FOXO1: variants seen among roughly 807,000 people sequenced by gnomAD.
The protein encoded by FOXO1 is forkhead box protein O1.
A neutral mutation model predicts 44.1 loss-of-function variants in FOXO1; 6 were observed. The observed-to-expected ratio is 0.14, with a 90% confidence interval of 0.07 to 0.27. The LOEUF is 0.27. Ranked by LOEUF, FOXO1 falls within the 10% of genes least tolerant of loss-of-function variation. FOXO1 has a pLI of 1.00. For synonymous variants in FOXO1, 380 were observed against 362.7 expected, an observed-to-expected ratio of 1.05 and a Z score of -0.54; for missense variants, 737 against 888.8, an observed-to-expected ratio of 0.83 and a Z score of 2.17.
chr13:40,590,753 C>CTT (rs201103223), intron 1 of FOXO1, among the ~76,000 whole-genome samples: 1 of 151,460 alleles, frequency 6.6e-6, no homozygotes, highest in Non-Finnish European at 1.5e-5. Context: ...TTCTGTGTGG[C>CTT]TTTTTTTTTC....
chr13:40,629,209 C>T (rs1256396001), intron 1 of FOXO1, among the ~76,000 whole-genome samples: 2 of 151,440 alleles, frequency 1.3e-5, no homozygotes, highest in Non-Finnish European at 2.9e-5. Flanking sequence ...GTGGTGCAAT[C>T]TCGGCCCACT....
At chr13:40,631,177 G>A (rs1230445093) in intron 1 of FOXO1, among the ~76,000 whole-genome samples, 1 of 152,164 alleles carries the variant, frequency 6.6e-6, no homozygotes. Context: ...TTGTGGAGGA[G>A]GGATCCCTGC....
intron 1 of FOXO1, among the ~76,000 whole-genome samples, chr13:40,657,613 C>T (rs1877899292): frequency 6.6e-6 from 1 of 152,192 alleles, no homozygotes; most frequent in Non-Finnish European, 1.5e-5. Context: ...GGATTACAGG[C>T]ATGACCCACT....
intron 1 of FOXO1, among the ~76,000 whole-genome samples, chr13:40,624,636 G>A (rs1467643178): frequency 1.3e-5 from 2 of 152,222 alleles, no homozygotes; most frequent in African/African-American, 2.4e-5. Flanking sequence ...GGTGACAGAT[G>A]ACACTGCATA....
chr13:40,641,258 G>C (rs1429833194), intron 1 of FOXO1, among the ~76,000 whole-genome samples: 1 of 152,078 alleles, frequency 6.6e-6, no homozygotes, highest in East Asian at 1.9e-4. Flanking sequence ...GGAAACCACA[G>C]GCAACTCCTC....
chr13:40,592,307 C>T (rs914652624), intron 1 of FOXO1, among the ~76,000 whole-genome samples: 2 of 152,196 alleles, frequency 1.3e-5, no homozygotes, highest in Non-Finnish European at 2.9e-5. Context: ...AAAAAAACAA[C>T]TTCATCAAAA....
chr13:40,625,951 G>A (rs1273855191), intron 1 of FOXO1, among the ~76,000 whole-genome samples: 2 of 152,118 alleles, frequency 1.3e-5, no homozygotes, highest in African/African-American at 4.8e-5. Context: ...CCAGGATAAA[G>A]TCATCTTTGT....
chr13:40,621,206 C>T (rs1302448854), intron 1 of FOXO1: 2 of 654,456 alleles, frequency 3.1e-6, no homozygotes, highest in Admixed American at 4.1e-5. Context: ...GTATCAGTGA[C>T]CACATAACTG....
intron 1 of FOXO1, among the ~76,000 whole-genome samples, chr13:40,625,063 G>A (rs191017823): frequency 2.2e-4 from 33 of 152,302 alleles, no homozygotes; most frequent in Non-Finnish European, 4.1e-4. Context: ...TTTATTGTGA[G>A]AGATTAAGTG....
At chr13:40,624,619 G>A (rs770520307) in intron 1 of FOXO1, among the ~76,000 whole-genome samples, 17 of 152,122 alleles carry the variant, frequency 1.1e-4, no homozygotes, top group Non-Finnish European at 2.2e-4. Context: ...GCAACTTGGC[G>A]GGGGGAGGTG....
intron 1 of FOXO1, among the ~76,000 whole-genome samples, chr13:40,602,412 A>AC (rs1875843812): frequency 1.3e-5 from 2 of 152,316 alleles, no homozygotes; most frequent in South Asian, 4.1e-4. Context: ...CCCCAGTCTC[A>AC]CTTTTGAGGA....
chr13:40,655,922 C>T (rs548136958), intron 1 of FOXO1, among the ~76,000 whole-genome samples: 1 of 152,240 alleles, frequency 6.6e-6, no homozygotes, highest in South Asian at 2.1e-4. Context: ...CAGGTGTGAG[C>T]CACCGCGCCC....
intron 1 of FOXO1, among the ~76,000 whole-genome samples, chr13:40,629,358 T>G (rs1410169539): frequency 6.6e-6 from 1 of 152,184 alleles, no homozygotes; most frequent in Middle Eastern, 3.2e-3. Context: ...GTCAGGCTGG[T>G]CTCGAACTCC....
At chr13:40,579,893 A>G (rs940883770) in intron 1 of FOXO1, among the ~76,000 whole-genome samples, 6 of 152,210 alleles carry the variant, frequency 3.9e-5, no homozygotes, top group Admixed American at 2.0e-4. Context: ...GTGAACATCA[A>G]TCATGACACC....
At chr13:40,643,846 T>C (rs1334147276) in intron 1 of FOXO1, among the ~76,000 whole-genome samples, 3 of 152,216 alleles carry the variant, frequency 2.0e-5, no homozygotes, top group Non-Finnish European at 4.4e-5. Context: ...AGCTCCTTCC[T>C]TTGAGCACCT....
chr13:40,620,100 T>G (rs777058643), intron 1 of FOXO1: 14 of 1,108,148 alleles, frequency 1.3e-5, no homozygotes, highest in Non-Finnish European at 1.9e-5. Flanking sequence ...TAGAGCAAGA[T>G]AGAGAACACA....
rs536276967 is a variant in FOXO1 at position 40,557,098 on chromosome 13, C to T, written c.*1951G>A. On this transcript the variant is annotated 3_prime_UTR_variant, in exon 3 of 3. Coordinates refer to ENST00000379561, the MANE Select transcript of FOXO1 (RefSeq NM_002015.4). ...TTACTGTAGGAAATCTTATCAGGAA[C>T]ACTTGTGTTCTTGTTAAACATTTAG... 1 of 152,320 alleles carries T rather than the reference C, an allele frequency of 6.6e-6. No homozygotes were observed. Among genetic ancestry groups the T allele is most frequent in the African/African-American group, 2.4e-5 (1 of 41,576 alleles). The allele number at this position is 152,320 out of a possible 1,614,324, so 9.4% of individuals were successfully genotyped here.
chr13:40,663,932 T>G (rs1217683586), intron 1 of FOXO1, among the ~76,000 whole-genome samples: 2 of 152,236 alleles, frequency 1.3e-5, no homozygotes, highest in South Asian at 2.1e-4. Flanking sequence ...CAATCTTTAT[T>G]ATGCCGTGGA....
At chr13:40,564,076 C>A (rs868554281) in intron 1 of FOXO1, among the ~76,000 whole-genome samples, 2 of 152,184 alleles carry the variant, frequency 1.3e-5, no homozygotes, top group South Asian at 4.1e-4. Flanking sequence ...GAAGAAAGAT[C>A]TTCCCAGATA....
Sources: allele counts gnomAD v4.1 joint callset (sites outside exome capture counted in the v4.1 genomes callset), GRCh38; gene constraint gnomAD v4.1.1; transcripts MANE v1.5; gene names NCBI Gene and HGNC (gene_info 2026-07-23, HGNC 2026-07-21).